The following GRK4 variants were observed in gnomAD, a reference collection of about 807,000 sequenced individuals.
GRK4 encodes G protein-coupled receptor kinase 4.
In GRK4, 73 loss-of-function variants were observed where a neutral mutation model predicts 77.9. The observed-to-expected ratio is 0.94, with a 90% CI of 0.78 to 1.14. The LOEUF is 1.14. Ranked by LOEUF, GRK4 falls within the 50% of genes most tolerant of loss-of-function variation. The pLI is 0.00. For missense variants in GRK4, 729 were observed against 700.2 expected (o/e 1.04, Z -0.46); for synonymous variants, 257 against 254.4 (o/e 1.01, Z -0.10).
chr4:2,984,832 A>T (rs1250242858), intron 2 of GRK4, among the ~76,000 whole-genome samples: 1 of 152,010 alleles, frequency 6.6e-6, no homozygotes, highest in Non-Finnish European at 1.5e-5. Flanking sequence ...TTTTTTATAG[A>T]GGTGGGGTCT....
chr4:3,001,365 ATATATT>A (rs1407172582), intron 4 of GRK4, among the ~76,000 whole-genome samples: 3 of 107,704 alleles, frequency 2.8e-5, no homozygotes, highest in African/African-American at 1.3e-4. Context: ...ATATATATAT[ATATATT>A]TTTTTTTTTT....
intron 14 of GRK4, among the ~76,000 whole-genome samples, chr4:3,038,137 A>C (rs1165757945): frequency 6.6e-6 from 1 of 152,164 alleles, no homozygotes; most frequent in African/African-American, 2.4e-5. Context: ...CAGGGTTCCC[A>C]TGGTAGTTCC....
intron 1 of GRK4, among the ~76,000 whole-genome samples, chr4:2,967,742 T>C (rs898297133): frequency 8.6e-5 from 13 of 151,926 alleles, no homozygotes; most frequent in African/African-American, 3.1e-4. Flanking sequence ...TTTTTTTCCT[T>C]GATATAATTC....
intron 7 of GRK4, among the ~76,000 whole-genome samples, chr4:3,010,754 G>A (rs1042101132): frequency 6.6e-6 from 1 of 152,168 alleles, no homozygotes; most frequent in Non-Finnish European, 1.5e-5. Context: ...CACTGCCCGG[G>A]TGTGACTCAG....
At chr4:2,979,056 C>T (rs578035370) in intron 1 of GRK4, among the ~76,000 whole-genome samples, 11 of 151,650 alleles carry the variant, frequency 7.3e-5, no homozygotes, top group African/African-American at 9.7e-5. Context: ...GGTGAAACAC[C>T]GTCTGTAAAT....
At chr4:2,965,325 C>G in intron 1 of GRK4, 1 of 703,074 alleles carries the variant, frequency 1.4e-6, no homozygotes. Context: ...AATCCTCTGT[C>G]TCGGACCTCA....
intron 9 of GRK4, among the ~76,000 whole-genome samples, chr4:3,021,591 A>G (rs948021382): frequency 3.9e-5 from 6 of 152,140 alleles, no homozygotes; most frequent in African/African-American, 1.4e-4. Flanking sequence ...CAAGGGGTGG[A>G]TTGCTGCCCT....
rs1732591982 is a variant in GRK4 at position 3,010,477 on chromosome 4, T to G, written c.600+766T>G. ...CCCGACCTCGGGTGATCCGCCCTCC[T>G]CAGCCTCCCAAAGTGCTGGGATTAC... On this transcript the variant is annotated intron_variant, in intron 7 of 15. Transcript: ENST00000398052. Among the ~76,000 whole-genome samples, 2 of 152,182 alleles carry G rather than the reference T, an allele frequency of 1.3e-5. 1 individual carries two copies. The highest frequency in any genetic ancestry group is 4.1e-4 in the South Asian group (2 of 4,834).
chr4:2,989,522 T>C (rs1439996173), intron 3 of GRK4, among the ~76,000 whole-genome samples: 2 of 152,224 alleles, frequency 1.3e-5, no homozygotes, highest in Non-Finnish European at 2.9e-5. Flanking sequence ...CAAGCAATTC[T>C]TCTGCCTCAG....
chr4:2,996,939 G>C (rs932034565), intron 4 of GRK4, among the ~76,000 whole-genome samples: 5 of 152,086 alleles, frequency 3.3e-5, no homozygotes, highest in African/African-American at 7.2e-5. Flanking sequence ...GAACCCCTAG[G>C]CTAGGTGCGG....
At chr4:3,027,828 A>AG (rs1306258403) in intron 10 of GRK4, 84 bp from the exon 11 acceptor site, 2 of 1,061,622 alleles carry the variant, frequency 1.9e-6, no homozygotes, top group African/African-American at 1.6e-5. Flanking sequence ...ATGGTTTTTG[A>AG]GGGGCCTTTT....
intron 15 of GRK4, among the ~76,000 whole-genome samples, chr4:3,040,073 A>G (rs187993683): frequency 7.2e-5 from 11 of 152,350 alleles, no homozygotes; most frequent in Non-Finnish European, 1.0e-4. Context: ...TTTCCTATGT[A>G]TGTGAGCTAA....
At chr4:2,965,196 C>T (rs752104897) in intron 1 of GRK4, 20 of 687,380 alleles carry the variant, frequency 2.9e-5, no homozygotes, top group Non-Finnish European at 4.3e-5. Flanking sequence ...CTGGTGCGTA[C>T]CTTAACATAA....
intron 4 of GRK4, among the ~76,000 whole-genome samples, chr4:2,999,298 C>G (rs566964301): frequency 7.2e-5 from 11 of 152,236 alleles, no homozygotes; most frequent in African/African-American, 2.6e-4. Flanking sequence ...CAGGAACCTG[C>G]CGCAATGCCG....
chr4:2,982,163 G>A (rs2471346), intron 1 of GRK4, among the ~76,000 whole-genome samples: 55,191 of 152,154 alleles, frequency 0.36, 10,482 homozygotes, highest in African/African-American at 0.44. Flanking sequence ...GGTGGCTGCA[G>A]CTGCTCCCAG....
At chr4:3,024,937 AAGTTCTTTGGT>A (rs1399622723) in intron 10 of GRK4, among the ~76,000 whole-genome samples, 1 of 152,146 alleles carries the variant, frequency 6.6e-6, no homozygotes, top group Non-Finnish European at 1.5e-5. Flanking sequence ...TCATTAGCAA[AAGTTCTTTGGT>A]TCTAGGGTTG....
intron 10 of GRK4, among the ~76,000 whole-genome samples, chr4:3,023,646 C>A (rs1183653948): frequency 2.0e-5 from 3 of 152,212 alleles, no homozygotes; most frequent in Admixed American, 6.5e-5. Flanking sequence ...GTGTCCGTAG[C>A]TCCTGACTTA....
intron 1 of GRK4, among the ~76,000 whole-genome samples, chr4:2,973,621 G>C (rs1720230463): frequency 6.6e-6 from 1 of 152,134 alleles, no homozygotes; most frequent in Non-Finnish European, 1.5e-5. Context: ...TGGACAGAGT[G>C]TTCAGCCCTC....
intron 4 of GRK4, among the ~76,000 whole-genome samples, chr4:3,000,731 A>ATT (rs749119482): frequency 2.0e-5 from 3 of 148,542 alleles, no homozygotes; most frequent in Admixed American, 6.7e-5. Context: ...TGCCCAGCTA[A>ATT]TTTTTTTTTT....
Sources: allele counts gnomAD v4.1 joint callset (sites outside exome capture counted in the v4.1 genomes callset), GRCh38; gene constraint gnomAD v4.1.1; transcripts MANE v1.5; gene names NCBI Gene and HGNC (gene_info 2026-07-23, HGNC 2026-07-21).